MPDZ: variants seen among roughly 807,000 people sequenced by gnomAD.
The protein encoded by MPDZ is multiple PDZ domain protein.
In MPDZ, 234 loss-of-function variants were observed where a neutral mutation model predicts 239.1. The ratio of observed to expected loss-of-function variants is 0.98; its 90% CI spans 0.88 to 1.09. MPDZ has a LOEUF of 1.09. Among genes scored for constraint, MPDZ ranks in the 50% least tolerant of loss-of-function variants. The pLI, the probability that MPDZ is intolerant of heterozygous loss-of-function variation, is 0.00. For synonymous variants in MPDZ, 1,048 were observed against 881.3 expected, an observed-to-expected ratio of 1.19 and a Z score of -3.35; for missense variants, 3,175 against 2,510.0, an observed-to-expected ratio of 1.26 and a Z score of -5.66.
intron 24 of MPDZ, among the ~76,000 whole-genome samples, chr9:13,153,012 C>A (rs1040890657): frequency 6.6e-6 from 1 of 152,148 alleles, no homozygotes; most frequent in East Asian, 1.9e-4. Flanking sequence ...GCAATCTGCT[C>A]CATGCTGCAC....
chr9:13,227,342 T>C lies in MPDZ; in HGVS notation c.184-2759A>G, dbSNP rs559460997. On this transcript the variant is annotated intron_variant, in intron 3 of 46. Transcript: ENST00000319217. ...CTATAGCAGGCATGATCAATTATTA[T>C]TTTTTCAAAAGTAAGCTTCTTATGC... Among the ~76,000 whole-genome samples, 306 of 152,256 alleles carry C rather than the reference T, an allele frequency of 2.0e-3. 1 individual carries two copies. The highest frequency in any genetic ancestry group is 7.1e-3 in the African/African-American group (297 of 41,552).
chr9:13,160,013 A>G (rs1950272938), intron 23 of MPDZ, among the ~76,000 whole-genome samples: 1 of 152,178 alleles, frequency 6.6e-6, no homozygotes, highest in South Asian at 2.1e-4. Context: ...AATATGTACC[A>G]GGTAAAGTAA....
chr9:13,216,734 C>G, intron 10 of MPDZ, 40 bp downstream of exon 10: 6 of 1,422,346 alleles, frequency 4.2e-6, no homozygotes, highest in Non-Finnish European at 5.9e-6. Context: ...AATTCTCAAC[C>G]ATGAAAATTA....
chr9:13,275,925 A>G (rs1013355740), intron 1 of MPDZ, among the ~76,000 whole-genome samples: 1 of 152,122 alleles, frequency 6.6e-6, no homozygotes, highest in Non-Finnish European at 1.5e-5. Flanking sequence ...GCTCTACTTC[A>G]TATCAAAAAA....
chr9:13,251,245 C>T (rs1445913852), intron 1 of MPDZ, among the ~76,000 whole-genome samples: 1 of 149,702 alleles, frequency 6.7e-6, no homozygotes, highest in Non-Finnish European at 1.5e-5. Context: ...AAAAACTGAA[C>T]AAAAGGGAGT....
chr9:13,192,453 T>G (rs921775492), intron 14 of MPDZ, among the ~76,000 whole-genome samples, 158 bp from the exon 15 acceptor site: 1 of 152,166 alleles, frequency 6.6e-6, no homozygotes, highest in Non-Finnish European at 1.5e-5. Flanking sequence ...TATCTAAATT[T>G]ATGTGCAAGT....
At position 13,224,655 on chromosome 9, in the gene MPDZ, T is replaced by A. The variant is rs76334477; in HGVS notation, c.184-72A>T. Reference sequence around the variant, plus strand: ...TATTTCATAGAAAATATCCCAAGGGTACAAGGACATACAAATGAAATTTCA... The same window carrying A: ...TATTTCATAGAAAATATCCCAAGGGAACAAGGACATACAAATGAAATTTCA... On this transcript the variant is annotated intron_variant, in intron 3 of 46. Transcript: ENST00000319217. The A allele has an allele frequency of 7.6e-4, 732 of 962,568 alleles. 10 individuals carry two copies. The East Asian group carries it at 0.018, about 23-fold the overall frequency. The allele number at this position is 962,568 out of a possible 1,614,324, so 59.6% of individuals were successfully genotyped here.
chr9:13,181,519 C>A (rs1003471585), intron 19 of MPDZ, among the ~76,000 whole-genome samples: 1 of 152,130 alleles, frequency 6.6e-6, no homozygotes, highest in Admixed American at 6.6e-5. Context: ...TAAAAGCACA[C>A]AGGAGTTTCA....
intron 3 of MPDZ, among the ~76,000 whole-genome samples, chr9:13,229,232 A>G (rs575061071): frequency 6.6e-6 from 1 of 152,258 alleles, no homozygotes; most frequent in Admixed American, 6.5e-5. Flanking sequence ...GGTATCAAAA[A>G]GAAACCAACT....
chr9:13,142,470 G>C (rs1054040109), intron 27 of MPDZ, among the ~76,000 whole-genome samples: 2 of 152,076 alleles, frequency 1.3e-5, no homozygotes, highest in Non-Finnish European at 2.9e-5. Context: ...ATTTATTTAT[G>C]AAAATATAGC....
intron 13 of MPDZ, among the ~76,000 whole-genome samples, chr9:13,195,601 T>C (rs1020233677): frequency 5.9e-5 from 9 of 152,090 alleles, no homozygotes; most frequent in African/African-American, 2.2e-4. Context: ...ATGGCTATGC[T>C]AGATATACAG....
Position 13,126,763 on chromosome 9 carries a change from C to G in MPDZ, c.4474G>C (p.Gly1492Arg). Residue 1492 changes from glycine (G) to arginine (R), a missense_variant, in exon 33 of 47, where the codon GGT becomes CGT. Physicochemically the swap from Gly to Arg is moderately radical, Grantham distance 125. Coordinates refer to ENST00000319217, the MANE Select transcript of MPDZ (RefSeq NM_001378778.1). ...TCTTCGCTGATAGCAATACCCAAAC[C>G]CCCCTGATCCTAGAAAAGTAAAAAC... ...QHLELPKDQG[G>R]LGIAISEEDT... 1 of 1,613,538 alleles carries G rather than the reference C, an allele frequency of 6.2e-7. No homozygotes were observed. Among genetic ancestry groups the G allele is most frequent in the Non-Finnish European group, 8.5e-7 (1 of 1,179,604 alleles).
At chr9:13,150,431 T>C (rs1057487677) in intron 25 of MPDZ, 80 bp downstream of exon 25, 24 of 1,158,530 alleles carry the variant, frequency 2.1e-5, no homozygotes, top group Admixed American at 3.0e-5. Context: ...AAACTTAAAG[T>C]ATAATAATAG....
At chr9:13,146,871 A>G (rs1292874172) in intron 26 of MPDZ, among the ~76,000 whole-genome samples, 1 of 152,100 alleles carries the variant, frequency 6.6e-6, no homozygotes, top group Non-Finnish European at 1.5e-5. Context: ...CTTTGTTAAC[A>G]ACATTCATTA....
chr9:13,125,620 G>A (rs920037761), intron 34 of MPDZ, among the ~76,000 whole-genome samples: 9 of 152,122 alleles, frequency 5.9e-5, no homozygotes, highest in Admixed American at 5.2e-4. Context: ...TCTACTCTAA[G>A]TCTAGCTCTG....
chr9:13,117,169 C>T (rs1007935145), intron 39 of MPDZ, among the ~76,000 whole-genome samples: 1 of 152,038 alleles, frequency 6.6e-6, no homozygotes, highest in Admixed American at 6.6e-5. Context: ...TCTCTCTCTC[C>T]TTCTAAAAAT....
intron 3 of MPDZ, among the ~76,000 whole-genome samples, chr9:13,233,306 A>C (rs1344400202): frequency 2.6e-5 from 4 of 152,192 alleles, no homozygotes; most frequent in African/African-American, 9.6e-5. Flanking sequence ...AAGAGTGGAC[A>C]AGTATATTCT....
intron 25 of MPDZ, among the ~76,000 whole-genome samples, chr9:13,149,977 GA>G (rs910323477): frequency 6.9e-5 from 10 of 145,816 alleles, no homozygotes; most frequent in South Asian, 2.2e-4. Flanking sequence ...GACTCACTTG[GA>G]AAAAAAAAAC....
chr9:13,155,270 T>A (rs1214898668), intron 24 of MPDZ, among the ~76,000 whole-genome samples: 1 of 152,058 alleles, frequency 6.6e-6, no homozygotes, highest in Non-Finnish European at 1.5e-5. Flanking sequence ...ATTTGACAAC[T>A]GAAAGTAAAA....
Sources: allele counts gnomAD v4.1 joint callset (sites outside exome capture counted in the v4.1 genomes callset), GRCh38; gene constraint gnomAD v4.1.1; transcripts MANE v1.5; gene names NCBI Gene and HGNC (gene_info 2026-07-23, HGNC 2026-07-21).